The following SLC4A10 variants were observed in gnomAD, a reference collection of about 807,000 sequenced individuals.
SLC4A10 encodes the protein sodium-driven chloride bicarbonate exchanger.
Under a neutral mutation model 137.7 loss-of-function variants are expected in SLC4A10, and 42 were observed. That is an observed-to-expected ratio of 0.30 (90% CI 0.24 to 0.39). The LOEUF (loss-of-function observed/expected upper bound fraction) is 0.39. Ranked by LOEUF, SLC4A10 falls within the 10% of genes least tolerant of loss-of-function variation. SLC4A10 has a pLI of 1.00. For synonymous variants in SLC4A10, 474 were observed against 464.1 expected (o/e 1.02, Z -0.27); for missense variants, 925 against 1,355.0 (o/e 0.68, Z 4.98).
chr2:161,906,450 G>A (rs543734796), intron 15 of SLC4A10, among the ~76,000 whole-genome samples: 10 of 152,236 alleles, frequency 6.6e-5, no homozygotes, highest in African/African-American at 1.7e-4. Context: ...TTACAGTCCG[G>A]GATTGAAGAT....
At chr2:161,699,456 A>G (rs769680426) in intron 1 of SLC4A10, among the ~76,000 whole-genome samples, 6 of 152,232 alleles carry the variant, frequency 3.9e-5, no homozygotes, top group Non-Finnish European at 7.3e-5. Flanking sequence ...ATAGAAAGGT[A>G]ATTTTAATGG....
chr2:161,680,820 G>T (rs1386888489), intron 1 of SLC4A10, among the ~76,000 whole-genome samples: 1 of 152,082 alleles, frequency 6.6e-6, no homozygotes, highest in Non-Finnish European at 1.5e-5. Flanking sequence ...TCTGCAGAAT[G>T]AATTTTAGAG....
Position 161,873,919 on chromosome 2 carries a change from C to A in SLC4A10, c.862C>A (p.Leu288Met). The change falls in exon 8 of 27, where the codon CTG (leucine) becomes ATG (methionine). Residue 288 changes from leucine (L) to methionine (M), a missense_variant. Physicochemically the swap from Leu to Met is conservative, Grantham distance 15 (BLOSUM62 2). Transcript: ENST00000446997. ...AGTCTGTTAATTATGCGTGCAGGGA[C>A]TGGGAGGCCAACAAAAGGGGCATAC... Reference protein sequence around the residue: ...ENSTVDFSKGLGGQQKGHTSP... With the variant: ...ENSTVDFSKGMGGQQKGHTSP... 6.3e-7 allele frequency: 1 copy of A among 1,593,014 alleles called. No homozygotes were observed. Among genetic ancestry groups the A allele is most frequent in the Admixed American group, 1.7e-5 (1 of 59,426 alleles).
At chr2:161,940,023 A>G (rs1013374296) in intron 15 of SLC4A10, among the ~76,000 whole-genome samples, 1 of 152,178 alleles carries the variant, frequency 6.6e-6, no homozygotes, top group African/African-American at 2.4e-5. Context: ...CAGTGAAACA[A>G]CCATACTGGT....
chr2:161,706,964 G>A (rs2125039258), intron 1 of SLC4A10, among the ~76,000 whole-genome samples: 1 of 151,614 alleles, frequency 6.6e-6, no homozygotes, highest in South Asian at 2.1e-4. Context: ...TTGTTATGGA[G>A]TCCCTAGCAC....
At chr2:161,823,368 G>A (rs1401206253) in intron 3 of SLC4A10, among the ~76,000 whole-genome samples, 1 of 152,316 alleles carries the variant, frequency 6.6e-6, no homozygotes. Flanking sequence ...AGTGTTTCCA[G>A]TATCCACTTA....
intron 1 of SLC4A10, among the ~76,000 whole-genome samples, chr2:161,691,515 G>A (rs1385564709): frequency 2.0e-5 from 3 of 151,974 alleles, no homozygotes; most frequent in Non-Finnish European, 4.4e-5. Flanking sequence ...AGGATGGGTA[G>A]CCCATTTTCT....
intron 1 of SLC4A10, among the ~76,000 whole-genome samples, chr2:161,644,834 A>T (rs2035811515): frequency 6.6e-6 from 1 of 152,124 alleles, no homozygotes; most frequent in Non-Finnish European, 1.5e-5. Context: ...TCTATCCACT[A>T]TTTTTCAAGT....
In SLC4A10 at chr2:161,897,858, T is replaced by C. The variant is rs577968881; in HGVS notation, c.1341+3033T>C. ...TTGGAGAAATGCAGCAAAATATTAA[T>C]ACATTCAGAATGAGGCTTTAAAATT... is the stretch of plus-strand genomic sequence containing the variant. On this transcript the variant is annotated intron_variant, in intron 11 of 26. Transcript: ENST00000446997. Among the ~76,000 whole-genome samples, 17 of 152,270 alleles carry C rather than the reference T, an allele frequency of 1.1e-4. No homozygotes were observed. In the South Asian group the frequency reaches 3.3e-3, roughly 30 times the overall value.
intron 5 of SLC4A10, among the ~76,000 whole-genome samples, chr2:161,859,594 C>CTTTTTTTTTTTTTTTTT (rs72003642): frequency 1.7e-4 from 8 of 47,286 alleles, no homozygotes; most frequent in Admixed American, 3.5e-4. Flanking sequence ...CTTTTCTTTT[C>CTTTTTTTTTTTTTTTTT]TTTTTTTTTT....
intron 23 of SLC4A10, among the ~76,000 whole-genome samples, chr2:161,971,368 C>A (rs1037759574): frequency 2.6e-5 from 4 of 152,150 alleles, no homozygotes; most frequent in African/African-American, 9.7e-5. Context: ...ATAGCATAAA[C>A]GTCCCTCTAG....
At chr2:161,959,411 C>T (rs2105881594) in intron 21 of SLC4A10, among the ~76,000 whole-genome samples, 1 of 152,272 alleles carries the variant, frequency 6.6e-6, no homozygotes, top group Middle Eastern at 3.4e-3. Context: ...TGGACAAGGT[C>T]CACAGCATCT....
intron 23 of SLC4A10, among the ~76,000 whole-genome samples, chr2:161,969,436 A>G (rs778393737): frequency 1.1e-4 from 17 of 152,202 alleles, no homozygotes; most frequent in Non-Finnish European, 1.8e-4. Context: ...TGTAAAGGGA[A>G]GACTGCAGAA....
chr2:161,979,339 T>A (rs1575986285), intron 26 of SLC4A10, among the ~76,000 whole-genome samples: 2 of 152,372 alleles, frequency 1.3e-5, no homozygotes, highest in South Asian at 4.1e-4. Context: ...TTGACTCTAG[T>A]GAACAATATA....
At chr2:161,794,982 A>C (rs2054607601) in intron 2 of SLC4A10, among the ~76,000 whole-genome samples, 1 of 151,894 alleles carries the variant, frequency 6.6e-6, no homozygotes, top group South Asian at 2.1e-4. Flanking sequence ...AACATTGAAA[A>C]ATGAGAAACA....
chr2:161,703,708 C>A (rs187565452), intron 1 of SLC4A10, among the ~76,000 whole-genome samples: 1 of 151,764 alleles, frequency 6.6e-6, no homozygotes. Context: ...CTATTAATAA[C>A]TGGAGTAAAA....
At chr2:161,823,763 T>A (rs2057815075) in intron 3 of SLC4A10, among the ~76,000 whole-genome samples, 1 of 152,234 alleles carries the variant, frequency 6.6e-6, no homozygotes, top group African/African-American at 2.4e-5. Context: ...AGAAAGGATA[T>A]CTGCTTGAAC....
intron 3 of SLC4A10, among the ~76,000 whole-genome samples, chr2:161,805,238 A>T (rs536712894): frequency 5.3e-5 from 8 of 152,140 alleles, no homozygotes; most frequent in Middle Eastern, 3.2e-3. Context: ...ACCTGTCCTC[A>T]TTATTCAATT....
chr2:161,800,205 A>T (rs986417839), intron 2 of SLC4A10, among the ~76,000 whole-genome samples: 1 of 152,012 alleles, frequency 6.6e-6, no homozygotes, highest in Admixed American at 6.6e-5. Context: ...AAGCATGAAA[A>T]CATTTTCTCT....
Sources: allele counts gnomAD v4.1 joint callset (sites outside exome capture counted in the v4.1 genomes callset), GRCh38; gene constraint gnomAD v4.1.1; transcripts MANE v1.5; gene names NCBI Gene and HGNC (gene_info 2026-07-23, HGNC 2026-07-21).